Variants in CSPG5 observed in about 807,000 individuals in gnomAD.
CSPG5 encodes the protein chondroitin sulfate proteoglycan 5, also known as acidic leucine-rich EGF-like domain-containing brain protein.
A neutral mutation model predicts 39.8 loss-of-function variants in CSPG5; 25 were observed. That is an observed-to-expected ratio of 0.63 (90% CI 0.46 to 0.88). The LOEUF (loss-of-function observed/expected upper bound fraction) is 0.88. Ranked by LOEUF, CSPG5 falls within the 40% of genes least tolerant of loss-of-function variation. The pLI is 0.00. For missense variants in CSPG5, 627 were observed against 702.2 expected, an observed-to-expected ratio of 0.89 and a Z score of 1.21; for synonymous variants, 295 against 303.9, an observed-to-expected ratio of 0.97 and a Z score of 0.31.
rs758816032 is a variant in CSPG5, at chr3:47,577,571, G to A, written c.455C>T (p.Pro152Leu). 6 of 1,610,482 alleles carry A rather than the reference G, an allele frequency of 3.7e-6. No individual in the cohort carries two copies. In the African/African-American group the frequency reaches 8.0e-5, roughly 22 times the overall value. ...AIPEATEASG[P>L]PSPTPGDKLS... ...CTTGTCGCCGGGGGTGGGGGAGGGTGGCCCGCTGGCCTCTGTAGCCTCAGG... is the reference window on the plus strand; with the variant it reads ...CTTGTCGCCGGGGGTGGGGGAGGGTAGCCCGCTGGCCTCTGTAGCCTCAGG... The change falls in exon 2 of 5, where the codon CCA becomes CTA. Residue 152 changes from proline to leucine, a missense_variant. Physicochemically the swap from Pro to Leu is moderately conservative, Grantham distance 98. Coordinates refer to ENST00000264723, the MANE Select transcript of CSPG5 (RefSeq NM_006574.4). This position sits in a 1 kb window ranked among gnomAD's most constrained non-coding sequence, Gnocchi z 4.7.
chr3:47,566,448 C>T (rs957048332), intron 4 of CSPG5, among the ~76,000 whole-genome samples: 1 of 152,150 alleles, frequency 6.6e-6, no homozygotes, highest in African/African-American at 2.4e-5. Flanking sequence ...CAAGTGGCAA[C>T]CGTGTTCATC....
chr3:47,577,786 G>A lies in CSPG5; in HGVS notation c.240C>T (p.Gly80=), dbSNP rs1452416601. 1.3e-6 allele frequency: 2 copies of A among 1,584,548 alleles called. No individual in the cohort carries two copies. The highest frequency in any genetic ancestry group is 1.7e-5 in the Admixed American group (1 of 57,298). ...GCACCTCTTCTGGCCCGGCCAGCTC[G>A]CCACCGGGCGCCGTCCACGACGCCT... is the stretch of plus-strand genomic sequence containing the variant. ...EDEASWTAPG[G]ELAGPEEVLQ... is the part of the protein sequence containing the mutation. The change falls in exon 2 of 5, where the codon GGC becomes GGT. Residue 80 remains glycine, a synonymous_variant. Coordinates refer to ENST00000264723, the MANE Select transcript of CSPG5 (RefSeq NM_006574.4). The surrounding 1 kb of genome is among the most constrained non-coding windows in gnomAD (Gnocchi z 4.7).
intron 4 of CSPG5, among the ~76,000 whole-genome samples, chr3:47,563,756 G>A (rs1160130427): frequency 1.3e-5 from 2 of 152,122 alleles, no homozygotes; most frequent in African/African-American, 2.4e-5. Context: ...GTTTCACCAT[G>A]TTGGCCAGGC....
rs1335170306 is a variant in CSPG5 at position 47,577,825 on chromosome 3, C to G, written c.201G>C (p.Ala67=). 6.4e-7 allele frequency: 1 copy of G among 1,566,990 alleles called. No homozygotes were observed. The highest frequency in any genetic ancestry group is 8.6e-7 in the Non-Finnish European group (1 of 1,166,564). ...TCCACGACGCCTCATCTTCCCCAGC[C>G]GCTGGTGGGCCGGCTTCTTCCCGCG... ...NDTREEAGPP[A]AGEDEASWTA... Residue 67 remains alanine, a synonymous_variant, in exon 2 of 5, where the codon GCG becomes GCC. Transcript: ENST00000264723. This position sits in a 1 kb window ranked among gnomAD's most constrained non-coding sequence, Gnocchi z 4.7.
upstream of CSPG5, chr3:47,578,992 GA>G (rs1421794716): frequency 6.5e-6 from 1 of 152,838 alleles, no homozygotes; most frequent in Non-Finnish European, 1.5e-5. This position sits in a 1 kb window ranked among gnomAD's most constrained non-coding sequence, Gnocchi z 6.0. Context: ...GGAACAGACA[GA>G]CCCCTCGCTG....
At chr3:47,567,987 G>A (rs1250089489) in intron 4 of CSPG5, among the ~76,000 whole-genome samples, 3 of 152,182 alleles carry the variant, frequency 2.0e-5, no homozygotes, top group South Asian at 2.1e-4. Flanking sequence ...CTCTACAGCC[G>A]CAAGTGGCTA....
intron 3 of CSPG5, 28 bp from the exon 4 acceptor site, chr3:47,569,255 CAT>C: frequency 6.2e-7 from 1 of 1,607,468 alleles, no homozygotes; most frequent in African/African-American, 1.3e-5. Flanking sequence ...GTGAAGGAAA[CAT>C]GTAAGTGAAA....
In CSPG5 at chr3:47,577,191, C is replaced by T; in HGVS notation, c.835G>A (p.Glu279Lys). 4 of 1,608,592 alleles carry T rather than the reference C, an allele frequency of 2.5e-6. No homozygotes were observed. The highest frequency in any genetic ancestry group is 3.4e-6 in the Non-Finnish European group (4 of 1,177,300). The change falls in exon 2 of 5, where the codon GAG (glutamate) becomes AAG (lysine). Residue 279 changes from glutamate (E) to lysine (K), a missense_variant. By Grantham distance (56) the Glu-to-Lys change is moderately conservative. Transcript: ENST00000264723. This position sits in a 1 kb window ranked among gnomAD's most constrained non-coding sequence, Gnocchi z 4.7. Reference sequence around the variant, plus strand: ...TCTTTGTCATCCTCCTCTTCCTCCTCCTCTTCATCCAAGTCATCATAAAAG... The same window carrying T: ...TCTTTGTCATCCTCCTCTTCCTCCTTCTCTTCATCCAAGTCATCATAAAAG... Reference protein sequence around the residue: ...TSFYDDLDEEEEEEEDDKDAV... With the variant: ...TSFYDDLDEEKEEEEDDKDAV...
At chr3:47,566,119 T>G (rs1359852741) in intron 4 of CSPG5, among the ~76,000 whole-genome samples, 1 of 152,240 alleles carries the variant, frequency 6.6e-6, no homozygotes, top group African/African-American at 2.4e-5. Context: ...TGCAATCTTT[T>G]CAGAGTGTGG....
At chr3:47,571,189 A>T (rs571652151) in intron 3 of CSPG5, among the ~76,000 whole-genome samples, 12 of 152,256 alleles carry the variant, frequency 7.9e-5, no homozygotes, top group Non-Finnish European at 1.8e-4. Context: ...TAGAATAAAT[A>T]AATTATGGCA....
rs547331033 is a variant in CSPG5 at position 47,577,884 on chromosome 3, C to T, written c.142G>A (p.Gly48Ser). Reference sequence around the variant, plus strand: ...GCAGGCGGCTCCCACGCCGGGCTGCCCTTCACCAGCTCTTCGGCCTCAACC... The same window carrying T: ...GCAGGCGGCTCCCACGCCGGGCTGCTCTTCACCAGCTCTTCGGCCTCAACC... The part of the protein sequence containing the change: ...SAVEAEELVK[G>S]SPAWEPPAND... The change falls in exon 2 of 5, where the codon GGC becomes AGC. Residue 48 changes from glycine to serine, a missense_variant. By Grantham distance (56) the Gly-to-Ser change is moderately conservative. Transcript: ENST00000264723. This position sits in a 1 kb window ranked among gnomAD's most constrained non-coding sequence, Gnocchi z 4.7. The T allele has an allele frequency of 2.7e-6, 4 of 1,507,302 alleles. No individual in the cohort carries two copies. In the African/African-American group the frequency reaches 4.3e-5, roughly 16 times the overall value. The allele number at this position is 1,507,302 out of a possible 1,614,324, so 93.4% of individuals were successfully genotyped here. A position where few individuals can be genotyped will look rare whatever the true frequency, so the allele number is the denominator to read the frequency against.
rs772143734 is a variant in CSPG5 at position 47,572,880 on chromosome 3, G to A, written c.1194-6C>T. The A allele has an allele frequency of 1.6e-5, 26 of 1,601,580 alleles. No homozygotes were observed. Among genetic ancestry groups the A allele is most frequent in the Non-Finnish European group, 2.2e-5 (26 of 1,171,240 alleles). ...TGTAGTCCTGCGTGTTGCACCTGCA[G>A]CAGCGACATTGAGAAACCGTGGCGA... On this transcript the variant is annotated splice_region_variant and splice_polypyrimidine_tract_variant and intron_variant, in intron 2 of 4. Coordinates refer to ENST00000264723, the MANE Select transcript of CSPG5 (RefSeq NM_006574.4). The surrounding 1 kb of genome is among the most constrained non-coding windows in gnomAD (Gnocchi z 4.5).
Position 47,577,062 on chromosome 3 carries a change from C to T in CSPG5, c.964G>A (p.Ala322Thr). The T allele has an allele frequency of 6.2e-7, 1 of 1,613,554 alleles. No homozygotes were observed. Among genetic ancestry groups the T allele is most frequent in the Non-Finnish European group, 8.5e-7 (1 of 1,179,924 alleles). The change falls in exon 2 of 5, where the codon GCT (alanine) becomes ACT (threonine). Residue 322 changes from alanine to threonine, a missense_variant. By Grantham distance (58) the Ala-to-Thr change is moderately conservative. Transcript: ENST00000264723. The surrounding 1 kb of genome is among the most constrained non-coding windows in gnomAD (Gnocchi z 4.7). ...CCCAGAGTGTGCTGTGGAGGGACAG[C>T]ATGCCACCGACTGGTGGGCTGGCCT... ...GTGQPTSRWH[A>T]VPPQHTLGSV...
chr3:47,570,510 A>G (rs2031488214), intron 3 of CSPG5, among the ~76,000 whole-genome samples: 1 of 144,894 alleles, frequency 6.9e-6, no homozygotes, highest in South Asian at 2.1e-4. Flanking sequence ...CTTATCACCT[A>G]GAGCTTTTTT....
intron 3 of CSPG5, 106 bp from the exon 4 acceptor site, chr3:47,569,333 G>T: frequency 2.5e-6 from 3 of 1,181,030 alleles, no homozygotes; most frequent in Non-Finnish European, 3.7e-6. Flanking sequence ...GCTGGGCGTG[G>T]TGGCTCGCGC....
chr3:47,577,027 G>T lies in CSPG5; in HGVS notation c.999C>A (p.Pro333=), dbSNP rs199594550. The T allele has an allele frequency of 5.6e-6, 9 of 1,612,758 alleles. No homozygotes were observed. The highest frequency in any genetic ancestry group is 1.7e-4 in the Middle Eastern group (1 of 6,056). ...VPPQHTLGSV[P]GSSIALRPRP... The stretch of plus-strand genomic sequence containing the variant: ...GGGGCCTGAGGGCGATGCTGCTGCC[G>T]GGGACCGACCCCAGAGTGTGCTGTG... Residue 333 remains proline, a synonymous_variant, in exon 2 of 5, where the codon CCC becomes CCA. Coordinates refer to ENST00000264723, the MANE Select transcript of CSPG5 (RefSeq NM_006574.4). This position sits in a 1 kb window ranked among gnomAD's most constrained non-coding sequence, Gnocchi z 4.7.
At position 47,578,657 on chromosome 3, in the gene CSPG5, G is replaced by C; in HGVS notation, c.37C>G (p.Pro13Ala). 9.0e-7 allele frequency: 1 copy of C among 1,114,996 alleles called. No individual in the cohort carries two copies. The highest frequency in any genetic ancestry group is 5.0e-5 in the Admixed American group (1 of 20,102). 69.1% of individuals were successfully genotyped at this position (1,114,996 alleles called of 1,614,324 possible). ...CCCAGAAACAGCAGCAGTGGCGGCG[G>C]CCCCCGGCCCGGGCCCCCGCCCCCG... ...RAGGGGPGRG[P>A]PPLLLFLGAA... The change falls in exon 1 of 5, where the codon CCG becomes GCG. Residue 13 changes from proline (P) to alanine (A), a missense_variant. Coordinates refer to ENST00000264723, the MANE Select transcript of CSPG5 (RefSeq NM_006574.4). This position sits in a 1 kb window ranked among gnomAD's most constrained non-coding sequence, Gnocchi z 6.0.
Position 47,568,878 on chromosome 3 carries a change from T to G in CSPG5, c.1458+274A>C, listed in dbSNP as rs2031411623. ...AAAAATTTTAAAAAGAAAAAGACCT[T>G]TTGTATCGAAAATTCTGCTTGTCAA... On this transcript the variant is annotated intron_variant, in intron 4 of 4. Transcript: ENST00000264723. 4.6e-5 allele frequency among the ~76,000 whole-genome samples: 7 copies of G among 152,074 alleles called. No homozygotes were observed. In the South Asian group the frequency reaches 1.4e-3, roughly 31 times the overall value.
At chr3:47,564,267 C>T (rs980295650) in intron 4 of CSPG5, among the ~76,000 whole-genome samples, 2 of 152,162 alleles carry the variant, frequency 1.3e-5, no homozygotes, top group Non-Finnish European at 2.9e-5. Context: ...AAGTTTGACC[C>T]ATAACAGCAC....
Sources: allele counts gnomAD v4.1 joint callset (sites outside exome capture counted in the v4.1 genomes callset), GRCh38; gene constraint gnomAD v4.1.1; non-coding constraint Gnocchi (gnomAD v3.1); transcripts MANE v1.5; gene names NCBI Gene and HGNC (gene_info 2026-07-23, HGNC 2026-07-21).